ABCA12: variants seen among roughly 807,000 people sequenced by gnomAD.
The protein encoded by ABCA12 is ATP binding cassette subfamily A member 12.
ABCA12 carries 156 observed loss-of-function variants against 293.5 expected under a neutral mutation model. That is an observed-to-expected ratio of 0.53 (90% CI 0.47 to 0.61). The LOEUF is 0.61. Ranked by LOEUF, ABCA12 falls within the 20% of genes least tolerant of loss-of-function variation. The pLI is 0.00. For missense variants in ABCA12, 2,797 were observed against 3,090.2 expected (o/e 0.91, Z 2.25); for synonymous variants, 1,063 against 1,108.0 (o/e 0.96, Z 0.81).
chr2:215,039,360 T>G (rs1261565550), intron 7 of ABCA12, among the ~76,000 whole-genome samples: 2 of 152,190 alleles, frequency 1.3e-5, no homozygotes, highest in Non-Finnish European at 2.9e-5. Context: ...TGTGAGAAAA[T>G]TATGGCTTTT....
At chr2:215,103,982 A>G (rs1485697744) in intron 2 of ABCA12, among the ~76,000 whole-genome samples, 1 of 150,764 alleles carries the variant, frequency 6.6e-6, no homozygotes, top group African/African-American at 2.5e-5. Context: ...GACAGATTCC[A>G]TTTAAAAAAA....
intron 1 of ABCA12, among the ~76,000 whole-genome samples, chr2:215,129,444 T>G (rs1454605083): frequency 6.6e-6 from 1 of 152,214 alleles, no homozygotes. Flanking sequence ...AGGTGGCATC[T>G]CAGTGTGGTT....
At chr2:215,039,615 C>T (rs1364262174) in intron 7 of ABCA12, among the ~76,000 whole-genome samples, 7 of 152,016 alleles carry the variant, frequency 4.6e-5, no homozygotes, top group Non-Finnish European at 8.8e-5. Context: ...ATTAGCCAGG[C>T]GTGGTGGCGG....
chr2:215,013,380 A>C lies in ABCA12; in HGVS notation c.1957-1245T>G, dbSNP rs139352537. Among the ~76,000 whole-genome samples, 440 of 152,316 alleles carry C rather than the reference A, an allele frequency of 2.9e-3. 3 individuals carry two copies. Among genetic ancestry groups the C allele is most frequent in the African/African-American group, 0.01 (422 of 41,570 alleles). The stretch of plus-strand genomic sequence containing the variant: ...AGAAAACCTGTGATATTTCTAAGGA[A>C]GTCAAAGACCAAGATTTTGAGCACA... On this transcript the variant is annotated intron_variant, in intron 15 of 52. Coordinates refer to ENST00000272895, the MANE Select transcript of ABCA12 (RefSeq NM_173076.3).
At position 215,133,149 on chromosome 2, in the gene ABCA12, A is replaced by ATTTTTTT. The variant is rs55641331; in HGVS notation, c.69+4984_69+4990dup. Among the ~76,000 whole-genome samples the ATTTTTTT allele has an allele frequency of 4.0e-4, 14 of 34,878 alleles. 4 individuals carry two copies. The East Asian group carries it at 6.5e-3, about 16-fold the overall frequency. The allele number at this position is 34,878 out of a possible 152,430, so 22.9% of individuals were successfully genotyped here. On this transcript the variant is annotated intron_variant, in intron 1 of 52. Coordinates refer to ENST00000272895, the MANE Select transcript of ABCA12 (RefSeq NM_173076.3). The stretch of plus-strand genomic sequence containing the variant: ...TGACTCTTTTCTCTAGCTGGCTTTA[A>ATTTTTTT]TTTTTTTTTTTTTTTTTTTTTTTTT...
chr2:214,976,720 G>GA (rs1699525594), intron 33 of ABCA12, among the ~76,000 whole-genome samples: 1 of 152,128 alleles, frequency 6.6e-6, no homozygotes, highest in East Asian at 1.9e-4. Context: ...GAACTCATTA[G>GA]AAAAAATATC....
At chr2:214,996,545 C>G (rs570482674) in intron 23 of ABCA12, among the ~76,000 whole-genome samples, 1 of 152,178 alleles carries the variant, frequency 6.6e-6, no homozygotes, top group African/African-American at 2.4e-5. Context: ...GGCATGGATT[C>G]AAGTTTCTAA....
intron 11 of ABCA12, among the ~76,000 whole-genome samples, chr2:215,020,294 A>ACACACACT (rs760159072): frequency 5.9e-5 from 9 of 151,612 alleles, no homozygotes; most frequent in Admixed American, 5.3e-4. Flanking sequence ...GAATGTATGC[A>ACACACACT]CACACACACA....
chr2:214,980,421 C>T (rs1459139870), intron 31 of ABCA12, 62 bp downstream of exon 31: 2 of 1,600,294 alleles, frequency 1.2e-6, no homozygotes, highest in Admixed American at 3.4e-5. Context: ...AGACTCTGCT[C>T]CTATTTCATA....
chr2:214,972,217 G>A (rs886883034), intron 36 of ABCA12, among the ~76,000 whole-genome samples: 59 of 152,022 alleles, frequency 3.9e-4, no homozygotes, highest in African/African-American at 1.4e-3. Context: ...ATCTTTTGAT[G>A]TATATACAGT....
chr2:214,986,514 G>A (rs1423708470), intron 28 of ABCA12, 28 bp downstream of exon 28: 2 of 1,602,994 alleles, frequency 1.2e-6, no homozygotes, highest in African/African-American at 1.3e-5. Context: ...ATGCTTCCAT[G>A]GCAATAAATG....
chr2:215,138,113 A>G (rs1300487407), intron 1 of ABCA12, 27 bp downstream of exon 1: 2 of 1,611,336 alleles, frequency 1.2e-6, no homozygotes, highest in Non-Finnish European at 8.5e-7. Flanking sequence ...CCCATGACCC[A>G]TACTCCCACA....
At chr2:214,958,541 G>A in intron 40 of ABCA12, 87 bp from the exon 41 acceptor site, 1 of 1,423,426 alleles carries the variant, frequency 7.0e-7, no homozygotes, top group East Asian at 2.4e-5. Context: ...AAACCATCAA[G>A]AAAACAGTAC....
chr2:214,974,911 C>T (rs776118167), intron 34 of ABCA12, 47 bp from the exon 35 acceptor site: 33 of 1,475,158 alleles, frequency 2.2e-5, no homozygotes, highest in Non-Finnish European at 3.1e-5. Context: ...TTCTACTAGT[C>T]TCCCATATTA....
At chr2:214,981,942 T>TTTATTA (rs200886578) in intron 30 of ABCA12, among the ~76,000 whole-genome samples, 14,986 of 128,454 alleles carry the variant, frequency 0.12, 1,056 homozygotes, top group African/African-American at 0.16. Context: ...GTCAGCTGTT[T>TTTATTA]TTATTATTAT....
chr2:215,137,546 T>C (rs1359450933), intron 1 of ABCA12, among the ~76,000 whole-genome samples: 4 of 152,204 alleles, frequency 2.6e-5, no homozygotes, highest in Non-Finnish European at 5.9e-5. Flanking sequence ...AGAAGATAGA[T>C]TGTAGTAGTA....
intron 3 of ABCA12, among the ~76,000 whole-genome samples, chr2:215,062,177 T>C (rs1225726599): frequency 6.6e-6 from 1 of 152,044 alleles, no homozygotes; most frequent in Non-Finnish European, 1.5e-5. Context: ...TCTCCTATTA[T>C]TGTTATTGAT....
chr2:215,097,303 T>C lies in ABCA12; in HGVS notation c.163+14294A>G, dbSNP rs556082680. On this transcript the variant is annotated intron_variant, in intron 2 of 52. Transcript: ENST00000272895. ...TTATTTATGCTATTAAGCTTTACCT[T>C]ACTTCTCTAGCCTCCAAAAATCTTT... Among the ~76,000 whole-genome samples, 25 of 152,038 alleles carry C rather than the reference T, an allele frequency of 1.6e-4. No individual in the cohort carries two copies. In the East Asian group the frequency reaches 4.8e-3, roughly 29 times the overall value.
At chr2:215,031,042 G>A (rs1013634349) in intron 9 of ABCA12, among the ~76,000 whole-genome samples, 2 of 152,234 alleles carry the variant, frequency 1.3e-5, no homozygotes, top group African/African-American at 2.4e-5. Context: ...AGAAATTTGC[G>A]TCAATTAACT....
Sources: gnomAD v4.1 joint callset for allele counts (sites outside exome capture counted in the v4.1 genomes callset) on GRCh38, gnomAD v4.1.1 for gene constraint, MANE v1.5 for transcripts, NCBI Gene and HGNC (gene_info 2026-07-23, HGNC 2026-07-21) for gene names.